The following ZBTB20 variants were observed in gnomAD, a reference collection of about 807,000 sequenced individuals.
The protein encoded by ZBTB20 is zinc finger and BTB domain-containing protein 20.
In ZBTB20, 9 loss-of-function variants were observed where a neutral mutation model predicts 56.9. That is an observed-to-expected ratio of 0.16 (90% CI 0.10 to 0.28). ZBTB20 has a LOEUF of 0.28. Ranked by LOEUF, ZBTB20 falls within the 10% of genes least tolerant of loss-of-function variation. ZBTB20 has a pLI of 1.00. For synonymous variants in ZBTB20, 417 were observed against 420.7 expected (o/e 0.99, Z 0.11); for missense variants, 655 against 1,003.0 (o/e 0.65, Z 4.69).
At chr3:114,492,131 AT>A (rs1230909726) in intron 7 of ZBTB20, among the ~76,000 whole-genome samples, 3 of 152,058 alleles carry the variant, frequency 2.0e-5, no homozygotes, top group Non-Finnish European at 4.4e-5. Context: ...CGGATTAAAT[AT>A]TAAGAGCTCT....
intron 6 of ZBTB20, among the ~76,000 whole-genome samples, chr3:114,534,597 A>G (rs2048251288): frequency 6.6e-6 from 1 of 152,200 alleles, no homozygotes; most frequent in Non-Finnish European, 1.5e-5. Flanking sequence ...GAAAATTAAC[A>G]AGGATATTCA....
intron 5 of ZBTB20, among the ~76,000 whole-genome samples, chr3:114,769,615 C>G (rs2108736488): frequency 7.2e-6 from 1 of 138,758 alleles, no homozygotes; most frequent in South Asian, 2.2e-4. Context: ...ACTATGCAGC[C>G]ATAAAAAGGA....
chr3:114,909,871 C>G (rs1489541213), intron 3 of ZBTB20, among the ~76,000 whole-genome samples: 1 of 151,770 alleles, frequency 6.6e-6, no homozygotes, highest in Non-Finnish European at 1.5e-5. Context: ...CTAAAATTAT[C>G]AAGACATTAG....
chr3:115,096,765 T>C (rs2083394780), intron 1 of ZBTB20, among the ~76,000 whole-genome samples: 1 of 152,232 alleles, frequency 6.6e-6, no homozygotes, highest in African/African-American at 2.4e-5. Context: ...CCACTGATAA[T>C]TTCTATATTT....
chr3:114,915,767 C>T (rs996450652), intron 3 of ZBTB20, among the ~76,000 whole-genome samples: 2 of 151,842 alleles, frequency 1.3e-5, no homozygotes, highest in Admixed American at 6.6e-5. Context: ...TTTCCATTAT[C>T]ATTTATTTCA....
chr3:114,898,692 T>A (rs1034569125), intron 4 of ZBTB20, among the ~76,000 whole-genome samples: 1 of 152,154 alleles, frequency 6.6e-6, no homozygotes, highest in Non-Finnish European at 1.5e-5. Flanking sequence ...TTGTACTGTG[T>A]TTCCTACTTC....
At chr3:115,002,189 AT>A (rs2079279409) in intron 2 of ZBTB20, among the ~76,000 whole-genome samples, 1 of 151,544 alleles carries the variant, frequency 6.6e-6, no homozygotes, top group Admixed American at 6.6e-5. Flanking sequence ...ATGAAAAAAA[AT>A]CTAGACACTG....
chr3:114,659,133 CT>C (rs1029150329), intron 6 of ZBTB20, among the ~76,000 whole-genome samples: 1 of 152,174 alleles, frequency 6.6e-6, no homozygotes, highest in African/African-American at 2.4e-5. Flanking sequence ...CTTCAAGAAC[CT>C]AACTAACTTC....
At chr3:114,844,330 A>T (rs868829184) in intron 4 of ZBTB20, among the ~76,000 whole-genome samples, 7 of 99,260 alleles carry the variant, frequency 7.1e-5, no homozygotes, top group African/African-American at 1.8e-4. Context: ...TACTGGAGTA[A>T]ATATATATAT....
chr3:114,679,791 A>T (rs1354176626), intron 6 of ZBTB20, among the ~76,000 whole-genome samples: 2 of 152,220 alleles, frequency 1.3e-5, no homozygotes, highest in African/African-American at 4.8e-5. Context: ...CTGGGTATAT[A>T]CCCAAAAAAA....
At chr3:114,650,064 G>GT (rs1369133076) in intron 6 of ZBTB20, among the ~76,000 whole-genome samples, 5 of 151,852 alleles carry the variant, frequency 3.3e-5, no homozygotes, top group Non-Finnish European at 7.4e-5. Context: ...ATGGATAAGA[G>GT]TATCATGAAA....
At chr3:114,843,998 A>C (rs2074522587) in intron 4 of ZBTB20, among the ~76,000 whole-genome samples, 1 of 151,956 alleles carries the variant, frequency 6.6e-6, no homozygotes, top group Non-Finnish European at 1.5e-5. Context: ...TATTTTTATA[A>C]AGACTTGTGC....
At chr3:114,377,190 C>T (rs1433929751) in intron 10 of ZBTB20, among the ~76,000 whole-genome samples, 2 of 152,086 alleles carry the variant, frequency 1.3e-5, no homozygotes, top group East Asian at 3.9e-4. Flanking sequence ...ATCTTAATGC[C>T]TTCCATTATC....
intron 6 of ZBTB20, among the ~76,000 whole-genome samples, chr3:114,554,603 G>T (rs1157690733): frequency 1.3e-5 from 2 of 152,180 alleles, no homozygotes; most frequent in Non-Finnish European, 2.9e-5. Context: ...TGATGCATAT[G>T]AATAAATGTC....
intron 5 of ZBTB20, among the ~76,000 whole-genome samples, chr3:114,785,990 CT>C (rs942301953): frequency 7.9e-5 from 12 of 151,504 alleles, no homozygotes; most frequent in Non-Finnish European, 1.3e-4. Flanking sequence ...TTGAAATCTA[CT>C]TTTTTTTTCT....
chr3:114,724,605 C>T (rs578076522), intron 5 of ZBTB20, among the ~76,000 whole-genome samples: 13 of 152,222 alleles, frequency 8.5e-5, no homozygotes, highest in Admixed American at 4.6e-4. Context: ...CTTTAAAATG[C>T]GGCCCAGAAT....
intron 2 of ZBTB20, among the ~76,000 whole-genome samples, chr3:115,000,753 A>G (rs1258800417): frequency 2.0e-5 from 3 of 151,632 alleles, no homozygotes; most frequent in South Asian, 2.1e-4. Flanking sequence ...CAAATGCTAT[A>G]TATCTGGATA....
At chr3:114,399,843 C>T (rs1417742726) in intron 7 of ZBTB20, among the ~76,000 whole-genome samples, 1 of 151,876 alleles carries the variant, frequency 6.6e-6, no homozygotes, top group African/African-American at 2.4e-5. Context: ...TTGGTGGGGG[C>T]AGGGAGATAC....
chr3:115,127,615 A>G (rs1276248920), intron 1 of ZBTB20, among the ~76,000 whole-genome samples: 2 of 152,154 alleles, frequency 1.3e-5, no homozygotes, highest in Non-Finnish European at 2.9e-5. Flanking sequence ...AATAAAAATA[A>G]ATAAATTTTA....
Sources: allele counts gnomAD v4.1 joint callset (sites outside exome capture counted in the v4.1 genomes callset), GRCh38; gene constraint gnomAD v4.1.1; transcripts MANE v1.5; gene names NCBI Gene and HGNC (gene_info 2026-07-23, HGNC 2026-07-21).